GTF3C2: variants seen among roughly 807,000 people sequenced by gnomAD.
GTF3C2 encodes general transcription factor 3C polypeptide 2.
Under a neutral mutation model 117.4 loss-of-function variants are expected in GTF3C2, and 17 were observed. The observed-to-expected ratio is 0.14, with a 90% confidence interval of 0.10 to 0.22. The LOEUF is 0.22. GTF3C2 is among the 10% of genes least tolerant of loss of function. The pLI, the probability that GTF3C2 is intolerant of heterozygous loss-of-function variation, is 1.00. For missense variants in GTF3C2, 888 were observed against 1,143.6 expected (o/e 0.78, Z 3.22); for synonymous variants, 437 against 427.0 (o/e 1.02, Z -0.29).
exon 5 of GTF3C2, chr2:27,337,983 C>G (rs1309625924): frequency 6.2e-7 from 1 of 1,611,958 alleles, no homozygotes. Context: ...ATTTGGTAAG[C>G]CATTGGGAGC....
At chr2:27,352,843 T>G (rs1681182040) in intron 1 of GTF3C2, among the ~76,000 whole-genome samples, 1 of 152,310 alleles carries the variant, frequency 6.6e-6, no homozygotes, top group Non-Finnish European at 1.5e-5. Flanking sequence ...CAAGTTGACC[T>G]CTCAGCAGCT....
chr2:27,343,547 G>A (rs1276738178), exon 2 of GTF3C2: 4 of 1,613,844 alleles, frequency 2.5e-6, no homozygotes, highest in East Asian at 4.5e-5. Context: ...GACCCCGCAG[G>A]TATCCATCAG....
chr2:27,327,019 G>T, intron 18 of GTF3C2, 126 bp from the exon 19 acceptor site: 1 of 704,946 alleles, frequency 1.4e-6, no homozygotes, highest in South Asian at 1.8e-5. Flanking sequence ...AGGGGTGACA[G>T]AGGTAAGAAT....
chr2:27,326,713 A>G (rs1572560026), exon 19 of GTF3C2: 2 of 1,614,118 alleles, frequency 1.2e-6, no homozygotes, highest in Non-Finnish European at 8.5e-7. Context: ...GTTGGAGAGA[A>G]GCCAGGCCGT....
intron 1 of GTF3C2, chr2:27,356,284 C>A: frequency 2.5e-6 from 1 of 397,352 alleles, no homozygotes. Context: ...GAGGAAGAGG[C>A]TGGGACACAG....
At chr2:27,355,956 TTAAG>T in intron 1 of GTF3C2, 2 of 535,004 alleles carry the variant, frequency 3.7e-6, no homozygotes, top group Non-Finnish European at 6.4e-6. Flanking sequence ...TTTAAACTTT[TTAAG>T]TAAGTCAATT....
intron 1 of GTF3C2, chr2:27,350,543 T>A: frequency 1.0e-6 from 1 of 981,588 alleles, no homozygotes; most frequent in Non-Finnish European, 1.2e-6. Flanking sequence ...CTCATGCCTG[T>A]AATCTCAACA....
intron 16 of GTF3C2, 37 bp from the exon 17 acceptor site, chr2:27,328,226 T>C: frequency 6.7e-7 from 1 of 1,489,606 alleles, no homozygotes; most frequent in Non-Finnish European, 9.1e-7. Flanking sequence ...TCTATAATAC[T>C]CAAGACAGAA....
At chr2:27,344,388 A>G (rs1426793785) in intron 1 of GTF3C2, among the ~76,000 whole-genome samples, 2 of 152,172 alleles carry the variant, frequency 1.3e-5, no homozygotes, top group Admixed American at 6.6e-5. Context: ...CTATACATAC[A>G]TTATCTAATT....
chr2:27,343,684 T>G, intron 1 of GTF3C2, 106 bp from the exon 2 acceptor site: 1 of 873,090 alleles, frequency 1.1e-6, no homozygotes. Flanking sequence ...CATAACCAAG[T>G]TCCCTGATTA....
At chr2:27,349,575 A>C (rs1681051825) in intron 1 of GTF3C2, among the ~76,000 whole-genome samples, 1 of 152,208 alleles carries the variant, frequency 6.6e-6, no homozygotes, top group South Asian at 2.1e-4. Flanking sequence ...AAAACAAAGG[A>C]GGAGTTTTGA....
chr2:27,342,307 T>G, intron 3 of GTF3C2, 74 bp from the exon 4 acceptor site: 1 of 1,239,574 alleles, frequency 8.1e-7, no homozygotes, highest in Non-Finnish European at 1.1e-6. Flanking sequence ...TGGTTGATTT[T>G]TATCTCAATG....
At chr2:27,355,332 C>T (rs1028774287) in intron 1 of GTF3C2, among the ~76,000 whole-genome samples, 11 of 152,082 alleles carry the variant, frequency 7.2e-5, no homozygotes, top group Admixed American at 5.9e-4. Context: ...ACCAGCCTGA[C>T]CAACATGGTA....
At chr2:27,349,107 G>C (rs1681024671) in intron 1 of GTF3C2, among the ~76,000 whole-genome samples, 1 of 149,608 alleles carries the variant, frequency 6.7e-6, no homozygotes, top group Non-Finnish European at 1.5e-5. Flanking sequence ...AAAGTGCTGG[G>C]ATTACAGGTG....
At chr2:27,345,848 G>A (rs1177485602) in intron 1 of GTF3C2, among the ~76,000 whole-genome samples, 1 of 150,568 alleles carries the variant, frequency 6.6e-6, no homozygotes, top group Non-Finnish European at 1.5e-5. Flanking sequence ...CGAGTAGCTG[G>A]GACAACAGGT....
At chr2:27,332,471 G>A (rs192381441) in intron 12 of GTF3C2, among the ~76,000 whole-genome samples, 1 of 151,614 alleles carries the variant, frequency 6.6e-6, no homozygotes, top group African/African-American at 2.4e-5. Context: ...CTAGAGTACA[G>A]TGGCACCATC....
intron 1 of GTF3C2, among the ~76,000 whole-genome samples, chr2:27,346,085 G>A (rs1680907899): frequency 7.0e-6 from 1 of 142,206 alleles, no homozygotes; most frequent in South Asian, 2.2e-4. Context: ...GTGCAGTGGT[G>A]TGATCACAGC....
In GTF3C2 at chr2:27,328,152, C is replaced by T. The variant is rs201857389; in HGVS notation, c.2294G>A (p.Ser765Asn). The T allele has an allele frequency of 1.2e-6, 2 of 1,604,590 alleles. No individual in the cohort carries two copies. Among genetic ancestry groups the T allele is most frequent in the Non-Finnish European group, 1.7e-6 (2 of 1,176,470 alleles). Reference sequence around the variant, plus strand: ...AGAAGAATGGTCTGGACCTTCAGGACTGTCCTGATACGGTATCAGATCTGC... The same window carrying T: ...AGAAGAATGGTCTGGACCTTCAGGATTGTCCTGATACGGTATCAGATCTGC... The change falls in exon 17 of 19, where the codon AGT becomes AAT. Residue 765 changes from serine (S) to asparagine (N), a missense_variant. Around this residue, in one of 7 missense-constraint regions of GTF3C2, gnomAD observed 129 missense variants for 156.0 expected, o/e 0.83. Transcript: ENST00000264720.
At chr2:27,337,721 C>A in intron 5 of GTF3C2, 163 bp from the exon 6 acceptor site, 1 of 688,990 alleles carries the variant, frequency 1.5e-6, no homozygotes. Context: ...GCTAGCGCAG[C>A]TGAGAAACAG....
Sources: gnomAD v4.1 joint callset for allele counts (sites outside exome capture counted in the v4.1 genomes callset) on GRCh38, gnomAD v4.1.1 for gene constraint, gnomAD v4.1.1 regional missense constraint, MANE v1.5 for transcripts, NCBI Gene and HGNC (gene_info 2026-07-23, HGNC 2026-07-21) for gene names.